DCC: variants seen among roughly 807,000 people sequenced by gnomAD.
DCC encodes DCC netrin 1 receptor, also known as netrin receptor DCC.
In DCC, 58 loss-of-function variants were observed where a neutral mutation model predicts 172.5. The ratio of observed to expected loss-of-function variants is 0.34; its 90% CI spans 0.27 to 0.42. The LOEUF is 0.42. Ranked by LOEUF, DCC falls within the 10% of genes least tolerant of loss-of-function variation. DCC has a pLI of 1.00. For missense variants in DCC, 1,740 were observed against 1,791.0 expected (o/e 0.97, Z 0.51); for synonymous variants, 709 against 644.5 (o/e 1.10, Z -1.52).
At chr18:52,548,711 A>T (rs1220633512) in intron 1 of DCC, among the ~76,000 whole-genome samples, 1 of 152,138 alleles carries the variant, frequency 6.6e-6, no homozygotes, top group Non-Finnish European at 1.5e-5. Context: ...GATCCTGAGA[A>T]AGTGTTGGAT....
At chr18:52,341,413 G>A (rs183762639) in intron 1 of DCC, among the ~76,000 whole-genome samples, 2 of 152,304 alleles carry the variant, frequency 1.3e-5, no homozygotes, top group African/African-American at 2.4e-5. Flanking sequence ...ATATGTTTTG[G>A]TACTTCCAAG....
chr18:52,681,870 A>G (rs938279850), intron 1 of DCC, among the ~76,000 whole-genome samples: 3 of 147,836 alleles, frequency 2.0e-5, no homozygotes, highest in Admixed American at 2.0e-4. Flanking sequence ...ATTGACTTTT[A>G]CAGTTTCTAA....
At chr18:52,968,834 A>G (rs1007782503) in intron 5 of DCC, among the ~76,000 whole-genome samples, 1 of 152,110 alleles carries the variant, frequency 6.6e-6, no homozygotes, top group Non-Finnish European at 1.5e-5. Context: ...TTTTAGTGTA[A>G]GCAGTTTTTG....
At chr18:52,886,697 A>G (rs1443348290) in intron 2 of DCC, among the ~76,000 whole-genome samples, 3 of 152,112 alleles carry the variant, frequency 2.0e-5, no homozygotes, top group Non-Finnish European at 2.9e-5. Context: ...ATTCAAGACT[A>G]TCTCCTACCC....
chr18:53,430,487 G>T (rs952709663), intron 21 of DCC, among the ~76,000 whole-genome samples: 1 of 152,106 alleles, frequency 6.6e-6, no homozygotes. Flanking sequence ...CTCTAGGACT[G>T]AAATCCCAAT....
intron 1 of DCC, among the ~76,000 whole-genome samples, chr18:52,734,674 G>A (rs1028989518): frequency 2.6e-5 from 4 of 152,054 alleles, no homozygotes; most frequent in Non-Finnish European, 4.4e-5. Context: ...ACTCAAGGAA[G>A]TAAAAAATGT....
rs557495692 is a variant in DCC at position 52,538,946 on chromosome 18, G to C, written c.91+198068G>C. Among the ~76,000 whole-genome samples the C allele has an allele frequency of 7.2e-5, 11 of 152,236 alleles. No homozygotes were observed. In the South Asian group the frequency reaches 2.1e-3, roughly 29 times the overall value. On this transcript the variant is annotated intron_variant, in intron 1 of 28. Transcript: ENST00000442544. ...AATGTGTGGTGGATGACATGGCCTC[G>C]GTACTGAGGTTGGTTAGCTGGTCTG...
At chr18:52,875,728 G>A (rs530560709) in intron 2 of DCC, among the ~76,000 whole-genome samples, 3 of 152,276 alleles carry the variant, frequency 2.0e-5, no homozygotes, top group Non-Finnish European at 4.4e-5. Context: ...CAGTTCTGTT[G>A]TCACTGCTAT....
chr18:52,668,987 C>T (rs1461304986), intron 1 of DCC, among the ~76,000 whole-genome samples: 1 of 152,204 alleles, frequency 6.6e-6, no homozygotes, highest in East Asian at 1.9e-4. Flanking sequence ...GTAATTCACG[C>T]AGAGCTGGCC....
At position 53,066,217 on chromosome 18, in the gene DCC, G is replaced by C; in HGVS notation, c.1261+51G>C. ...GTACCTGGAATGAAAATTATTCATA[G>C]TCTGTTGGTAAAATCCATATTGTTT... is the stretch of plus-strand genomic sequence containing the variant. On this transcript the variant is annotated intron_variant, in intron 7 of 28. Coordinates refer to ENST00000442544, the MANE Select transcript of DCC (RefSeq NM_005215.4). 3 of 1,579,206 alleles carry C rather than the reference G, an allele frequency of 1.9e-6. No individual in the cohort carries two copies. In the Admixed American group the frequency reaches 5.0e-5, roughly 26 times the overall value.
intron 1 of DCC, among the ~76,000 whole-genome samples, chr18:52,689,266 C>T: frequency 6.6e-6 from 1 of 151,998 alleles, no homozygotes; most frequent in East Asian, 1.9e-4. Context: ...TGCTAATTTG[C>T]TGTAGAAATT....
intron 3 of DCC, among the ~76,000 whole-genome samples, chr18:52,907,307 C>CATATGT (rs10650686): frequency 0.35 from 35,098 of 100,976 alleles, 7,557 homozygotes; most frequent in South Asian, 0.64. Context: ...TGGATATATA[C>CATATGT]ATATGTATAT....
At position 52,926,844 on chromosome 18, in the gene DCC, CACAT is replaced by C. The variant is rs545485722; in HGVS notation, c.985+1476_985+1479del. On this transcript the variant is annotated intron_variant, in intron 5 of 28. Coordinates refer to ENST00000442544, the MANE Select transcript of DCC (RefSeq NM_005215.4). ...ATATATACATATACATACACACACACACATATACGTGTGTGTGTATATATACATA... is the reference window on the plus strand; with the variant it reads ...ATATATACATATACATACACACACACATACGTGTGTGTGTATATATACATA... 1.0e-4 allele frequency among the ~76,000 whole-genome samples: 15 copies of C among 145,330 alleles called. No homozygotes were observed. In the South Asian group the frequency reaches 1.5e-3, roughly 14 times the overall value.
intron 2 of DCC, among the ~76,000 whole-genome samples, chr18:52,772,852 T>A (rs1318528320): frequency 6.6e-6 from 1 of 152,258 alleles, no homozygotes; most frequent in Non-Finnish European, 1.5e-5. Flanking sequence ...TAGCACAGTA[T>A]ACATGTTTCT....
chr18:53,515,035 A>G (rs2046316366), intron 27 of DCC, among the ~76,000 whole-genome samples: 1 of 151,996 alleles, frequency 6.6e-6, no homozygotes, highest in African/African-American at 2.4e-5. Context: ...ATGAACATTG[A>G]TGCAAAAATC....
chr18:52,961,770 A>G (rs1403662642), intron 5 of DCC, among the ~76,000 whole-genome samples: 1 of 152,200 alleles, frequency 6.6e-6, no homozygotes, highest in African/African-American at 2.4e-5. Flanking sequence ...ATATAGATCA[A>G]TGGAACAGAA....
intron 2 of DCC, among the ~76,000 whole-genome samples, chr18:52,881,349 A>T (rs759527969): frequency 6.6e-6 from 1 of 151,874 alleles, no homozygotes; most frequent in Admixed American, 6.6e-5. Flanking sequence ...AAGCTGTATA[A>T]CTTGATGTGA....
At chr18:53,485,988 G>A (rs1319472277) in intron 25 of DCC, among the ~76,000 whole-genome samples, 1 of 152,002 alleles carries the variant, frequency 6.6e-6, no homozygotes, top group Non-Finnish European at 1.5e-5. Context: ...TCAGGTAGCT[G>A]ACTTAAATTT....
chr18:53,508,380 A>G (rs1384503356), intron 27 of DCC, among the ~76,000 whole-genome samples: 2 of 151,544 alleles, frequency 1.3e-5, no homozygotes, highest in East Asian at 3.9e-4. Flanking sequence ...TTTTGCAGAG[A>G]TGAGGTTTTG....
Sources: gnomAD v4.1 joint callset for allele counts (sites outside exome capture counted in the v4.1 genomes callset) on GRCh38, gnomAD v4.1.1 for gene constraint, MANE v1.5 for transcripts, NCBI Gene and HGNC (gene_info 2026-07-23, HGNC 2026-07-21) for gene names.